Variants in NEO1 observed in about 807,000 individuals in gnomAD.
NEO1 encodes the protein neogenin.
Under a neutral mutation model 159.7 loss-of-function variants are expected in NEO1, and 63 were observed. That is an observed-to-expected ratio of 0.39 (90% confidence interval 0.32 to 0.49). NEO1 has a LOEUF of 0.49. NEO1 is among the 20% of genes least tolerant of loss of function. The pLI, the probability that NEO1 is intolerant of heterozygous loss-of-function variation, is 0.85. For synonymous variants in NEO1, 633 were observed against 662.0 expected, an observed-to-expected ratio of 0.96 and a Z score of 0.67; for missense variants, 1,615 against 1,831.0, an observed-to-expected ratio of 0.88 and a Z score of 2.15.
rs775921845 is a variant in NEO1, at chr15:73,283,081, G to T, written c.3380G>T (p.Cys1127Phe). ...GTGGTTGTGATTATCGCTGTCTTTTGTACCCGTCGTACCACCTCTCACCAG... is the reference window on the plus strand; with the variant it reads ...GTGGTTGTGATTATCGCTGTCTTTTTTACCCGTCGTACCACCTCTCACCAG... Reference protein sequence around the residue: ...IVVVVIIAVFCTRRTTSHQKK... With the variant: ...IVVVVIIAVFFTRRTTSHQKK... Residue 1127 changes from cysteine to phenylalanine, a missense_variant, in exon 23 of 29, where the codon TGT becomes TTT. Around this residue, in one of 3 missense-constraint regions of NEO1, gnomAD observed 471 missense variants for 498.9 expected, o/e 0.94. Transcript: ENST00000261908. 34 of 1,613,972 alleles carry T rather than the reference G, an allele frequency of 2.1e-5. No homozygotes were observed. The highest frequency in any genetic ancestry group is 2.9e-5 in the Non-Finnish European group (34 of 1,180,028).
intron 7 of NEO1, among the ~76,000 whole-genome samples, chr15:73,235,145 T>G (rs538683874): frequency 1.3e-5 from 2 of 152,328 alleles, no homozygotes; most frequent in East Asian, 1.9e-4. Context: ...GCGTATTTAT[T>G]TAGACTGCAT....
At chr15:73,241,705 A>G (rs1297032279) in intron 8 of NEO1, among the ~76,000 whole-genome samples, 1 of 152,132 alleles carries the variant, frequency 6.6e-6, no homozygotes, top group Non-Finnish European at 1.5e-5. Flanking sequence ...CTGTAACCCC[A>G]CACACTTAAG....
At chr15:73,201,664 A>G (rs1334168853) in intron 7 of NEO1, among the ~76,000 whole-genome samples, 2 of 152,076 alleles carry the variant, frequency 1.3e-5, no homozygotes, top group East Asian at 3.9e-4. Context: ...AGGGTATTTA[A>G]ACTCTCCAGT....
chr15:73,184,055 G>A (rs1331544061), intron 7 of NEO1, among the ~76,000 whole-genome samples: 1 of 152,080 alleles, frequency 6.6e-6, no homozygotes, highest in Non-Finnish European at 1.5e-5. Flanking sequence ...CTAATCATTA[G>A]AACTAATTTC....
rs116279855 is a variant in NEO1, at chr15:73,207,775, G to A, written c.1292-28572G>A. On this transcript the variant is annotated intron_variant, in intron 7 of 28. Coordinates refer to ENST00000261908, the MANE Select transcript of NEO1 (RefSeq NM_002499.4). ...ATTAATAAGTAATTATATTTATTCA[G>A]TTTAACTTCTTTAATTTATAAATGC... Among the ~76,000 whole-genome samples, 667 of 152,036 alleles carry A rather than the reference G, an allele frequency of 4.4e-3. 4 individuals are homozygous for A. Among genetic ancestry groups the A allele is most frequent in the African/African-American group, 0.015 (626 of 41,498 alleles).
At chr15:73,233,702 C>G (rs1250539266) in intron 7 of NEO1, among the ~76,000 whole-genome samples, 1 of 152,052 alleles carries the variant, frequency 6.6e-6, no homozygotes, top group East Asian at 1.9e-4. Context: ...TGAGTTTTCC[C>G]TATCTAAGTG....
chr15:73,099,568 T>G (rs1216622787), intron 1 of NEO1, among the ~76,000 whole-genome samples: 4 of 152,234 alleles, frequency 2.6e-5, no homozygotes, highest in African/African-American at 9.6e-5. Flanking sequence ...TTGCTTATGT[T>G]TAAATTGTTA....
intron 7 of NEO1, among the ~76,000 whole-genome samples, chr15:73,221,011 A>T (rs1404916916): frequency 3.3e-5 from 5 of 152,104 alleles, no homozygotes; most frequent in Admixed American, 6.5e-5. Context: ...TCTGCTTTTT[A>T]GAGTTTCCAG....
intron 7 of NEO1, among the ~76,000 whole-genome samples, chr15:73,202,797 A>G (rs567944350): frequency 6.6e-6 from 1 of 152,272 alleles, no homozygotes; most frequent in Non-Finnish European, 1.5e-5. Flanking sequence ...AAGACTCCAC[A>G]TCCTTCCCTC....
At chr15:73,250,730 T>G (rs957826402) in intron 11 of NEO1, among the ~76,000 whole-genome samples, 4 of 152,158 alleles carry the variant, frequency 2.6e-5, no homozygotes, top group African/African-American at 9.7e-5. Context: ...GGAATCATTC[T>G]AGAATCTAGA....
At chr15:73,227,207 C>T (rs184233183) in intron 7 of NEO1, among the ~76,000 whole-genome samples, 400 of 152,158 alleles carry the variant, frequency 2.6e-3, no homozygotes, top group Admixed American at 4.0e-3. Context: ...AATATAAAGC[C>T]GGGTCAGGCC....
rs2039756052 is a variant in NEO1, at chr15:73,245,720, G to T, written c.1606+1222G>T. On this transcript the variant is annotated intron_variant, in intron 9 of 28. Transcript: ENST00000261908. The stretch of plus-strand genomic sequence containing the variant: ...CTCCTGAGTAGCTGGGACTACAGGT[G>T]CCTGCCACCATGCCTAGCTAATTTT... Among the ~76,000 whole-genome samples the T allele has an allele frequency of 5.3e-5, 8 of 151,246 alleles. No individual in the cohort carries two copies. The South Asian group carries it at 1.5e-3, about 28-fold the overall frequency.
intron 1 of NEO1, among the ~76,000 whole-genome samples, chr15:73,071,576 G>A (rs1033134181): frequency 7.9e-5 from 12 of 152,170 alleles, no homozygotes; most frequent in African/African-American, 2.9e-4. Flanking sequence ...CACCCAGGCT[G>A]GAGTGCAGTG....
At chr15:73,132,350 C>T (rs75355865) in intron 4 of NEO1, among the ~76,000 whole-genome samples, 5,447 of 152,134 alleles carry the variant, frequency 0.036, 142 homozygotes, top group Non-Finnish European at 0.047. Flanking sequence ...AGTGTTTTCC[C>T]ATCCTTTTTT....
intron 18 of NEO1, among the ~76,000 whole-genome samples, chr15:73,270,805 G>A (rs1356951269): frequency 6.6e-6 from 1 of 152,216 alleles, no homozygotes; most frequent in African/African-American, 2.4e-5. Flanking sequence ...TTTGCTGGGT[G>A]ACCCCAAAGC....
At position 73,207,937 on chromosome 15, in the gene NEO1, C is replaced by T. The variant is rs534780128; in HGVS notation, c.1292-28410C>T. 2.0e-5 allele frequency among the ~76,000 whole-genome samples: 3 copies of T among 152,178 alleles called. No homozygotes were observed. In the East Asian group the frequency reaches 5.8e-4, roughly 29 times the overall value. On this transcript the variant is annotated intron_variant, in intron 7 of 28. Coordinates refer to ENST00000261908, the MANE Select transcript of NEO1 (RefSeq NM_002499.4). The stretch of plus-strand genomic sequence containing the variant: ...CAGGAAATGGCAAATAGTTTTAGAA[C>T]TAATTAGATAGAGGCTTCTCATTAT...
intron 8 of NEO1, among the ~76,000 whole-genome samples, chr15:73,240,278 A>C (rs1314647604): frequency 6.6e-6 from 1 of 152,108 alleles, no homozygotes; most frequent in Non-Finnish European, 1.5e-5. Flanking sequence ...TTTATGATAG[A>C]TTGTGGGTTG....
chr15:73,143,628 C>G (rs1350827393), intron 5 of NEO1: 1 of 152,902 alleles, frequency 6.5e-6, no homozygotes, highest in Non-Finnish European at 1.5e-5. Context: ...ATGGGCACCC[C>G]CGCACGCCCC....
intron 1 of NEO1, among the ~76,000 whole-genome samples, chr15:73,061,554 C>G (rs1292526818): frequency 6.6e-6 from 1 of 152,178 alleles, no homozygotes; most frequent in Non-Finnish European, 1.5e-5. Flanking sequence ...TGACATTTAT[C>G]TTTATTAACA....
Sources: allele counts gnomAD v4.1 joint callset (sites outside exome capture counted in the v4.1 genomes callset), GRCh38; gene constraint gnomAD v4.1.1; regional missense constraint gnomAD v4.1.1; transcripts MANE v1.5; gene names NCBI Gene and HGNC (gene_info 2026-07-23, HGNC 2026-07-21).